The following MGMT variants were observed in gnomAD, a reference collection of about 807,000 sequenced individuals.
MGMT encodes methylated-DNA--protein-cysteine methyltransferase.
In MGMT, 14 loss-of-function variants were observed where a neutral mutation model predicts 15.9. That is an observed-to-expected ratio of 0.88 (90% CI 0.58 to 1.37). The LOEUF (loss-of-function observed/expected upper bound fraction) is 1.37, where lower values mean the gene tolerates loss of function less well. Among genes scored for constraint, MGMT ranks in the 40% most tolerant of loss-of-function variants. The pLI is 0.00. For synonymous variants in MGMT, 130 were observed against 118.2 expected (o/e 1.10, Z -0.65); for missense variants, 282 against 268.1 (o/e 1.05, Z -0.36).
intron 3 of MGMT, among the ~76,000 whole-genome samples, chr10:129,736,830 G>A (rs1422332812): frequency 1.3e-5 from 2 of 152,052 alleles, no homozygotes; most frequent in Admixed American, 1.3e-4. Context: ...GCTTAGTTTG[G>A]CTGGATATGA....
At chr10:129,649,175 G>T (rs1277561795) in intron 2 of MGMT, among the ~76,000 whole-genome samples, 1 of 152,120 alleles carries the variant, frequency 6.6e-6, no homozygotes, top group African/African-American at 2.4e-5. Context: ...GTCACTAAAG[G>T]ATTACTTCAA....
At chr10:129,737,254 G>T (rs185205040) in intron 3 of MGMT, among the ~76,000 whole-genome samples, 1 of 152,074 alleles carries the variant, frequency 6.6e-6, no homozygotes, top group Non-Finnish European at 1.5e-5. Context: ...GGCTGTGCGC[G>T]TTTCTTTTTA....
chr10:129,713,734 G>A (rs1220525869), intron 3 of MGMT, among the ~76,000 whole-genome samples: 2 of 152,158 alleles, frequency 1.3e-5, no homozygotes, highest in Non-Finnish European at 2.9e-5. Context: ...GATGGAGGTG[G>A]TGAGGGGTCT....
intron 1 of MGMT, among the ~76,000 whole-genome samples, chr10:129,500,605 AG>A (rs1290147028): frequency 1.3e-5 from 2 of 152,140 alleles, no homozygotes; most frequent in African/African-American, 4.8e-5. Context: ...TCTGTTGCCC[AG>A]GTGCAGTGGT....
chr10:129,582,374 A>G (rs569804630), intron 2 of MGMT, among the ~76,000 whole-genome samples: 1 of 152,328 alleles, frequency 6.6e-6, no homozygotes, highest in Non-Finnish European at 1.5e-5. Flanking sequence ...ACCACTGCGC[A>G]GTGTTGCTGT....
intron 2 of MGMT, among the ~76,000 whole-genome samples, chr10:129,705,174 G>A (rs1848146212): frequency 6.6e-6 from 1 of 152,240 alleles, no homozygotes; most frequent in Admixed American, 6.5e-5. Context: ...GGGCATGTCT[G>A]CTGTCTTCTG....
chr10:129,509,075 G>A (rs373824415), intron 1 of MGMT, among the ~76,000 whole-genome samples: 294 of 152,304 alleles, frequency 1.9e-3, no homozygotes, highest in Non-Finnish European at 3.4e-3. Context: ...GAGCAGTTGC[G>A]TCATTTCCGG....
chr10:129,608,854 C>T (rs1846925213), intron 2 of MGMT, among the ~76,000 whole-genome samples: 1 of 152,260 alleles, frequency 6.6e-6, no homozygotes, highest in African/African-American at 2.4e-5. Context: ...CACTCCCTTT[C>T]ATCTCCCGGG....
At chr10:129,524,582 CTTTTTTTTTTTTTT>C (rs66701664) in intron 1 of MGMT, among the ~76,000 whole-genome samples, 3 of 68,058 alleles carry the variant, frequency 4.4e-5, no homozygotes, top group Non-Finnish European at 5.4e-5. Context: ...TCCAAAAAGA[CTTTTTTTTTTTTTT>C]TTTTTTTTTT....
chr10:129,535,008 G>A (rs1845970232), intron 1 of MGMT, among the ~76,000 whole-genome samples: 2 of 152,214 alleles, frequency 1.3e-5, no homozygotes, highest in South Asian at 4.1e-4. Context: ...ACACAATTGT[G>A]TCTCAATAAA....
chr10:129,613,885 C>T (rs1416374412), intron 2 of MGMT, among the ~76,000 whole-genome samples: 5 of 152,210 alleles, frequency 3.3e-5, no homozygotes, highest in South Asian at 2.1e-4. Context: ...CTGAAAGGGC[C>T]GGTCAGTGCC....
intron 2 of MGMT, among the ~76,000 whole-genome samples, chr10:129,577,642 C>T (rs1318470081): frequency 3.3e-5 from 5 of 152,058 alleles, no homozygotes; most frequent in Non-Finnish European, 7.4e-5. Context: ...ACTTCATAAC[C>T]AAAACACCAA....
chr10:129,498,510 T>A (rs1845545056), intron 1 of MGMT, among the ~76,000 whole-genome samples: 1 of 152,212 alleles, frequency 6.6e-6, no homozygotes, highest in Admixed American at 6.5e-5. Flanking sequence ...TATTTATTAG[T>A]CATTGAATTA....
chr10:129,656,816 A>G (rs937983906), intron 2 of MGMT, among the ~76,000 whole-genome samples: 7 of 152,108 alleles, frequency 4.6e-5, no homozygotes, highest in African/African-American at 1.7e-4. Flanking sequence ...AACGGGAGGC[A>G]GGTTGGCCCT....
intron 3 of MGMT, among the ~76,000 whole-genome samples, chr10:129,751,834 C>T (rs1848753462): frequency 2.0e-5 from 3 of 151,740 alleles, no homozygotes; most frequent in South Asian, 2.1e-4. Context: ...TGGTTTTTGT[C>T]GATTTCTAGT....
chr10:129,499,660 C>T (rs1029582444), intron 1 of MGMT, among the ~76,000 whole-genome samples: 2 of 152,150 alleles, frequency 1.3e-5, no homozygotes, highest in Non-Finnish European at 2.9e-5. Context: ...ATTCGATGAA[C>T]CTAAAACCCT....
At chr10:129,729,641 C>T (rs1448370253) in intron 3 of MGMT, among the ~76,000 whole-genome samples, 3 of 152,214 alleles carry the variant, frequency 2.0e-5, no homozygotes, top group Non-Finnish European at 4.4e-5. Flanking sequence ...GAAATTAAAG[C>T]TTGCCAGTTT....
rs148243174 is a variant in MGMT, at chr10:129,652,069, G to A, written c.126-55826G>A. Among the ~76,000 whole-genome samples, 972 of 152,318 alleles carry A rather than the reference G, an allele frequency of 6.4e-3. 10 individuals are homozygous for A. The highest frequency in any genetic ancestry group is 0.022 in the African/African-American group (908 of 41,566). On this transcript the variant is annotated intron_variant, in intron 2 of 4. Transcript: ENST00000651593. The stretch of plus-strand genomic sequence containing the variant: ...TCCGGGAAAGCTGCTGTCGGAAGCC[G>A]GGGTTTGTGGGATCGTGTGTAGGAG...
At chr10:129,762,708 C>T (rs1381764354) in intron 4 of MGMT, among the ~76,000 whole-genome samples, 1 of 152,168 alleles carries the variant, frequency 6.6e-6, no homozygotes, top group East Asian at 1.9e-4. Flanking sequence ...TGAACAAATG[C>T]ATTCCTGAGG....
Sources: allele counts gnomAD v4.1 joint callset (sites outside exome capture counted in the v4.1 genomes callset), GRCh38; gene constraint gnomAD v4.1.1; transcripts MANE v1.5; gene names NCBI Gene and HGNC (gene_info 2026-07-23, HGNC 2026-07-21).